CLASP1: variants seen among roughly 807,000 people sequenced by gnomAD.
CLASP1 encodes the protein cytoplasmic linker associated protein 1, also known as CLIP-associating protein 1.
A neutral mutation model predicts 192.3 loss-of-function variants in CLASP1; 38 were observed. That is an observed-to-expected ratio of 0.20 (90% CI 0.15 to 0.26). The LOEUF is 0.26. Ranked by LOEUF, CLASP1 falls within the 10% of genes least tolerant of loss-of-function variation. The pLI is 1.00. For missense variants in CLASP1, 1,433 were observed against 1,932.5 expected, an observed-to-expected ratio of 0.74 and a Z score of 4.85; for synonymous variants, 691 against 712.8, an observed-to-expected ratio of 0.97 and a Z score of 0.49.
intron 2 of CLASP1, among the ~76,000 whole-genome samples, chr2:121,591,536 G>A (rs1485154700): frequency 6.6e-6 from 1 of 152,186 alleles, no homozygotes; most frequent in East Asian, 1.9e-4. Flanking sequence ...CTGCGAATCA[G>A]TACTAAATTC....
At chr2:121,583,560 T>A (rs973283442) in intron 2 of CLASP1, among the ~76,000 whole-genome samples, 8 of 152,260 alleles carry the variant, frequency 5.3e-5, no homozygotes, top group Admixed American at 5.2e-4. Flanking sequence ...TGGCAAAATA[T>A]GCAAAGCAAA....
At chr2:121,501,459 A>G (rs189004415) in intron 8 of CLASP1, among the ~76,000 whole-genome samples, 61 of 152,310 alleles carry the variant, frequency 4.0e-4, no homozygotes, top group African/African-American at 1.4e-3. Flanking sequence ...GTACAGGGTA[A>G]AGGAGAGAAA....
chr2:121,358,476 C>T (rs1305252677), intron 37 of CLASP1, among the ~76,000 whole-genome samples: 3 of 152,140 alleles, frequency 2.0e-5, no homozygotes, highest in African/African-American at 4.8e-5. Flanking sequence ...CATTCCTGAG[C>T]GCAGGGGGTC....
intron 39 of CLASP1, among the ~76,000 whole-genome samples, chr2:121,346,803 A>G (rs1369618217): frequency 3.3e-5 from 5 of 152,266 alleles, no homozygotes; most frequent in African/African-American, 7.2e-5. Context: ...GCTCAAAATC[A>G]GCATTTCATA....
intron 19 of CLASP1, among the ~76,000 whole-genome samples, chr2:121,441,434 A>C (rs2083322576): frequency 6.6e-6 from 1 of 152,188 alleles, no homozygotes; most frequent in African/African-American, 2.4e-5. Context: ...TCCCCAAAAG[A>C]ATAATTTCCT....
At chr2:121,430,047 G>A in intron 20 of CLASP1, 26 bp downstream of exon 20, 6 of 1,501,630 alleles carry the variant, frequency 4.0e-6, no homozygotes, top group Non-Finnish European at 4.5e-6. Flanking sequence ...ACTGAGGTAA[G>A]CAAGAGCATA....
chr2:121,423,049 C>T (rs905333659), intron 22 of CLASP1, among the ~76,000 whole-genome samples: 3 of 151,864 alleles, frequency 2.0e-5, no homozygotes, highest in Non-Finnish European at 4.4e-5. Context: ...CTGAATAATG[C>T]TATTATGTCT....
At chr2:121,611,578 G>A (rs370580709) in intron 1 of CLASP1, among the ~76,000 whole-genome samples, 39 of 94,280 alleles carry the variant, frequency 4.1e-4, no homozygotes, top group African/African-American at 1.5e-3. Context: ...GTTACAGGAG[G>A]AAGAGGAACT....
In CLASP1 at chr2:121,562,075, T is replaced by C. The variant is rs115831772; in HGVS notation, c.196-31750A>G. Among the ~76,000 whole-genome samples the C allele has an allele frequency of 8.7e-4, 132 of 152,358 alleles. 2 individuals are homozygous for C. Among genetic ancestry groups the C allele is most frequent in the African/African-American group, 3.1e-3 (128 of 41,586 alleles). ...GTTTTACTTCTGACTGTGGGACTAA[T>C]GTGTTCCTACAGGTTGCAACATAAA... On this transcript the variant is annotated intron_variant, in intron 2 of 39. Transcript: ENST00000263710.
intron 19 of CLASP1, among the ~76,000 whole-genome samples, chr2:121,431,702 CATTTGGTAACATG>C (rs1345689702): frequency 6.6e-6 from 1 of 151,242 alleles, no homozygotes; most frequent in African/African-American, 2.4e-5. Flanking sequence ...TTTCCCCCAA[CATTTGGTAACATG>C]ATCCTAAACC....
chr2:121,468,247 T>C (rs987754543), intron 9 of CLASP1, among the ~76,000 whole-genome samples: 8 of 152,232 alleles, frequency 5.3e-5, no homozygotes, highest in Non-Finnish European at 1.2e-4. Context: ...TCTTTTTGCT[T>C]AGGATTGCCT....
intron 6 of CLASP1, among the ~76,000 whole-genome samples, chr2:121,519,050 A>T (rs2150373692): frequency 6.6e-6 from 1 of 152,348 alleles, no homozygotes; most frequent in Admixed American, 6.5e-5. Context: ...GCAGCTACTT[A>T]GAAAGTCTGG....
At chr2:121,531,105 C>T (rs544625845) in intron 2 of CLASP1, 14 of 643,004 alleles carry the variant, frequency 2.2e-5, no homozygotes, top group Middle Eastern at 4.0e-4. Context: ...GCACAAGACG[C>T]GTGGTTTTAG....
At chr2:121,399,526 T>A (rs1352788652) in intron 28 of CLASP1, among the ~76,000 whole-genome samples, 2 of 152,164 alleles carry the variant, frequency 1.3e-5, no homozygotes, top group Non-Finnish European at 2.9e-5. Flanking sequence ...TGAGGCAGAT[T>A]AGCACTCAAG....
intron 23 of CLASP1, among the ~76,000 whole-genome samples, chr2:121,412,879 T>C (rs2077954049): frequency 6.6e-6 from 1 of 152,212 alleles, no homozygotes; most frequent in South Asian, 2.1e-4. Context: ...CTGATACTAT[T>C]ATGAAGTCTG....
At chr2:121,410,135 T>C (rs560892209) in intron 24 of CLASP1, among the ~76,000 whole-genome samples, 10 of 152,284 alleles carry the variant, frequency 6.6e-5, no homozygotes, top group South Asian at 6.2e-4. Flanking sequence ...AGGCCAGTGA[T>C]CAGACAGTTC....
intron 9 of CLASP1, among the ~76,000 whole-genome samples, chr2:121,465,868 A>T (rs1318917497): frequency 6.6e-6 from 1 of 152,184 alleles, no homozygotes; most frequent in Admixed American, 6.5e-5. Flanking sequence ...ATAACGCCGC[A>T]TATCTACAAC....
chr2:121,607,277 T>G lies in CLASP1; in HGVS notation c.-285-1097A>C, dbSNP rs576761821. Among the ~76,000 whole-genome samples, 16 of 152,210 alleles carry G rather than the reference T, an allele frequency of 1.1e-4. No homozygotes were observed. The South Asian group carries it at 2.3e-3, about 22-fold the overall frequency. ...TTGCTTGAATCCAGGAGACGGAGGT[T>G]GCGGTGAGCCGACACAGTGCCACTG... On this transcript the variant is annotated intron_variant, in intron 1 of 39. Transcript: ENST00000263710.
At chr2:121,437,466 T>C (rs1161560471) in intron 19 of CLASP1, among the ~76,000 whole-genome samples, 1 of 152,216 alleles carries the variant, frequency 6.6e-6, no homozygotes, top group Non-Finnish European at 1.5e-5. Flanking sequence ...AGCTGAATTA[T>C]TCCAAAGAAG....
Sources: gnomAD v4.1 joint callset for allele counts (sites outside exome capture counted in the v4.1 genomes callset) on GRCh38, gnomAD v4.1.1 for gene constraint, MANE v1.5 for transcripts, NCBI Gene and HGNC (gene_info 2026-07-23, HGNC 2026-07-21) for gene names.